CASTOR2: variants seen among roughly 807,000 people sequenced by gnomAD.
CASTOR2 encodes GATS protein like 2.
Under a neutral mutation model 31.2 loss-of-function variants are expected in CASTOR2, and 8 were observed. The observed-to-expected ratio is 0.26, with a 90% confidence interval of 0.15 to 0.46. CASTOR2 has a LOEUF of 0.46. CASTOR2 is among the 20% of genes least tolerant of loss of function. The pLI is 0.99. For synonymous variants in CASTOR2, 162 were observed against 158.7 expected (o/e 1.02, Z -0.16); for missense variants, 216 against 382.1 (o/e 0.57, Z 3.62).
At chr7:74,978,183 A>G (rs1353167230) in intron 1 of CASTOR2, among the ~76,000 whole-genome samples, 5 of 147,484 alleles carry the variant, frequency 3.4e-5, no homozygotes, top group Non-Finnish European at 7.5e-5. Context: ...GGCTCATTGC[A>G]ACTTCCATCT....
chr7:74,979,371 C>T (rs2131920271), intron 1 of CASTOR2, among the ~76,000 whole-genome samples: 3 of 149,186 alleles, frequency 2.0e-5, no homozygotes. Context: ...TATTGGAATC[C>T]CCAGTGTCTG....
chr7:74,971,024 C>T (rs1330199798), intron 1 of CASTOR2, among the ~76,000 whole-genome samples: 2 of 150,694 alleles, frequency 1.3e-5, no homozygotes, highest in Non-Finnish European at 3.0e-5. Context: ...GAGATGGAGT[C>T]TCACTTGGTC....
chr7:75,016,346 G>C (rs1394020486), intron 2 of CASTOR2, among the ~76,000 whole-genome samples: 4 of 152,202 alleles, frequency 2.6e-5, no homozygotes, highest in Non-Finnish European at 5.9e-5. Flanking sequence ...CATGAGCTAG[G>C]TAAGGAGGCT....
At chr7:74,996,807 C>A (rs1425531621) in intron 1 of CASTOR2, among the ~76,000 whole-genome samples, 1 of 134,658 alleles carries the variant, frequency 7.4e-6, no homozygotes, top group Non-Finnish European at 1.5e-5. Flanking sequence ...CGGCTCACTG[C>A]AACCTTCGCC....
chr7:75,009,325 A>C (rs1296600448), intron 2 of CASTOR2, among the ~76,000 whole-genome samples: 4 of 111,258 alleles, frequency 3.6e-5, no homozygotes, highest in African/African-American at 1.4e-4. Flanking sequence ...GCTGGAGTGC[A>C]GTGGTGTGAT....
At chr7:74,990,984 G>T (rs1804196238) in intron 1 of CASTOR2, among the ~76,000 whole-genome samples, 1 of 151,340 alleles carries the variant, frequency 6.6e-6, no homozygotes, top group Non-Finnish European at 1.5e-5. Flanking sequence ...CGGGCAGGAG[G>T]ATCACGTAAG....
chr7:74,971,034 C>A (rs1297622122), intron 1 of CASTOR2, among the ~76,000 whole-genome samples: 3 of 150,838 alleles, frequency 2.0e-5, no homozygotes, highest in African/African-American at 7.3e-5. Context: ...CTCACTTGGT[C>A]GCCCAGGCTG....
At chr7:75,016,318 G>A (rs1340380544) in intron 2 of CASTOR2, among the ~76,000 whole-genome samples, 1 of 152,222 alleles carries the variant, frequency 6.6e-6, no homozygotes, top group Non-Finnish European at 1.5e-5. Context: ...TGGCTCCAGC[G>A]TTTGGATTCT....
intron 1 of CASTOR2, among the ~76,000 whole-genome samples, chr7:75,006,198 T>C (rs1804601832): frequency 6.6e-6 from 1 of 152,162 alleles, no homozygotes; most frequent in Non-Finnish European, 1.5e-5. Flanking sequence ...GCAGGGGGAT[T>C]GCTTGAGCCC....
In CASTOR2 at chr7:75,012,433, G is replaced by T. The variant is rs1439787085; in HGVS notation, c.184+4369G>T. On this transcript the variant is annotated intron_variant, in intron 2 of 8. Transcript: ENST00000616305. The stretch of plus-strand genomic sequence containing the variant: ...TTCTCCTGCCTCAGCCTCCTGAGTA[G>T]CTGGGATTACAGGCATGCACCACCA... Among the ~76,000 whole-genome samples, 11 of 151,714 alleles carry T rather than the reference G, an allele frequency of 7.3e-5. 1 individual carries two copies. The highest frequency in any genetic ancestry group is 1.5e-5 in the Non-Finnish European group (1 of 67,950).
Position 75,024,659 on chromosome 7 carries a change from T to G in CASTOR2, c.950T>G (p.Val317Gly). 1 of 1,551,526 alleles carries G rather than the reference T, an allele frequency of 6.4e-7. No individual in the cohort carries two copies. The highest frequency in any genetic ancestry group is 8.7e-7 in the Non-Finnish European group (1 of 1,146,822). Residue 317 changes from valine (V) to glycine (G), a missense_variant, in exon 9 of 9, where the codon GTC becomes GGC. Val to Gly is a moderately radical substitution (Grantham distance 109). Coordinates refer to ENST00000616305, the MANE Select transcript of CASTOR2 (RefSeq NM_001145064.3). ...ALVPEENING[V>G]ISALKVSQAE... ...GTCCCCGAAGAGAACATCAATGGTG[T>G]CATCAGTGCCCTGAAGGTCAGCCAA...
Position 75,018,842 on chromosome 7 carries a change from A to G in CASTOR2, c.512-130A>G, listed in dbSNP as rs1584477056. ...TGGTAATTGGTGGTAGAGGCTGGAGAAGCAGCGGTGAATGAGTCTCTTGGG... is the reference window on the plus strand; with the variant it reads ...TGGTAATTGGTGGTAGAGGCTGGAGGAGCAGCGGTGAATGAGTCTCTTGGG... On this transcript the variant is annotated intron_variant, in intron 4 of 8. Transcript: ENST00000616305. 2.8e-6 allele frequency: 4 copies of G among 1,430,192 alleles called. No individual in the cohort carries two copies. In the Admixed American group the frequency reaches 8.0e-5, roughly 29 times the overall value. The allele number at this position is 1,430,192 out of a possible 1,614,324, so 88.6% of individuals were successfully genotyped here. A position where few individuals can be genotyped will look rare whatever the true frequency, so the allele number is the denominator to read the frequency against.
intron 2 of CASTOR2, among the ~76,000 whole-genome samples, chr7:75,013,156 A>G (rs587647469): frequency 6.6e-6 from 1 of 152,314 alleles, no homozygotes; most frequent in South Asian, 2.1e-4. Flanking sequence ...CAGCGCTGCA[A>G]ACATTGCTTC....
chr7:74,980,698 C>G (rs1383345419), intron 1 of CASTOR2, among the ~76,000 whole-genome samples: 1 of 138,242 alleles, frequency 7.2e-6, no homozygotes, highest in Admixed American at 6.9e-5. Flanking sequence ...CTGACAATTG[C>G]AGGATGGCTG....
chr7:75,014,173 C>G (rs1335492206), intron 2 of CASTOR2, among the ~76,000 whole-genome samples: 2 of 152,108 alleles, frequency 1.3e-5, no homozygotes, highest in East Asian at 3.9e-4. Flanking sequence ...ACATCACTAG[C>G]CCTCACCCAT....
chr7:75,021,301 A>G (rs1804995456), intron 6 of CASTOR2, among the ~76,000 whole-genome samples: 2 of 151,516 alleles, frequency 1.3e-5, no homozygotes, highest in African/African-American at 4.9e-5. Flanking sequence ...CAATTTTTGT[A>G]TTTTTCGTAG....
intron 1 of CASTOR2, among the ~76,000 whole-genome samples, chr7:74,983,414 C>T (rs1355255582): frequency 6.7e-6 from 1 of 148,818 alleles, no homozygotes; most frequent in African/African-American, 2.5e-5. Context: ...TCTCTGATGA[C>T]GTCCCCACCC....
At chr7:75,018,361 G>A (rs1804913962) in intron 4 of CASTOR2, among the ~76,000 whole-genome samples, 1 of 152,136 alleles carries the variant, frequency 6.6e-6, no homozygotes, top group Non-Finnish European at 1.5e-5. Flanking sequence ...CCAACATGGA[G>A]AAACCCCGTC....
chr7:75,000,906 A>C (rs1584469521), intron 1 of CASTOR2, among the ~76,000 whole-genome samples: 1 of 151,250 alleles, frequency 6.6e-6, no homozygotes, highest in East Asian at 2.0e-4. Flanking sequence ...CAGGTGAGCC[A>C]CCTGCCTCTG....
Sources: gnomAD v4.1 joint callset for allele counts (sites outside exome capture counted in the v4.1 genomes callset) on GRCh38, gnomAD v4.1.1 for gene constraint, MANE v1.5 for transcripts, NCBI Gene and HGNC (gene_info 2026-07-23, HGNC 2026-07-21) for gene names.